The following JPH3 variants were observed in gnomAD, a reference collection of about 807,000 sequenced individuals.
JPH3 encodes junctophilin-3.
A neutral mutation model predicts 59.6 loss-of-function variants in JPH3; 11 were observed. The observed-to-expected ratio is 0.18, with a 90% CI of 0.12 to 0.31. JPH3 has a LOEUF of 0.31. Ranked by LOEUF, JPH3 falls within the 10% of genes least tolerant of loss-of-function variation. The pLI is 1.00. For synonymous variants in JPH3, 673 were observed against 483.6 expected (o/e 1.39, Z -5.14); for missense variants, 1,202 against 1,105.7 (o/e 1.09, Z -1.24).
At chr16:87,623,256 A>T (rs903712346) in intron 1 of JPH3, among the ~76,000 whole-genome samples, 1 of 152,122 alleles carries the variant, frequency 6.6e-6, no homozygotes, top group Admixed American at 6.5e-5. Context: ...CCTGGCTGAC[A>T]CTCGGAGCCA....
intron 3 of JPH3, among the ~76,000 whole-genome samples, chr16:87,688,649 G>A (rs948700566): frequency 1.3e-5 from 2 of 152,108 alleles, no homozygotes. Flanking sequence ...TCAGAGGGAA[G>A]ACTCCCCAAA....
In JPH3 at chr16:87,690,262, C is replaced by T. The variant is rs765983495; in HGVS notation, c.1902C>T (p.Gly634=). The T allele has an allele frequency of 2.7e-5, 44 of 1,602,702 alleles. No homozygotes were observed. The highest frequency in any genetic ancestry group is 2.6e-4 in the South Asian group (23 of 89,416). The part of the protein sequence containing the change: ...HPQKRRYSKG[G]ACRGLGDDHR... ...AGAAAAGACGCTACAGCAAGGGCGG[C>T]GCCTGCCGGGGCTTGGGGGACGACC... Residue 634 remains glycine (G), a synonymous_variant, in exon 4 of 5, where the codon GGC becomes GGT. Transcript: ENST00000284262.
At chr16:87,617,083 G>T (rs2030999584) in intron 1 of JPH3, among the ~76,000 whole-genome samples, 1 of 151,160 alleles carries the variant, frequency 6.6e-6, no homozygotes, top group African/African-American at 2.5e-5. Context: ...AATTAGCCGG[G>T]TGCGGTGGTG....
intron 2 of JPH3, among the ~76,000 whole-genome samples, chr16:87,647,026 AG>A (rs1039625932): frequency 6.6e-6 from 1 of 152,216 alleles, no homozygotes; most frequent in African/African-American, 2.4e-5. Flanking sequence ...GCTCCAAGGC[AG>A]GTTGTCAGCC....
chr16:87,620,477 A>AG (rs879339714), intron 1 of JPH3, among the ~76,000 whole-genome samples: 10,763 of 110,562 alleles, frequency 0.097, 683 homozygotes, highest in East Asian at 0.21. Flanking sequence ...AGAGAAGGAG[A>AG]GAAGAGAGGG....
At chr16:87,623,912 A>G (rs1173419948) in intron 1 of JPH3, among the ~76,000 whole-genome samples, 1 of 152,220 alleles carries the variant, frequency 6.6e-6, no homozygotes, top group Non-Finnish European at 1.5e-5. Flanking sequence ...GAGAGCCACC[A>G]TGGAGCCCCC....
chr16:87,693,576 G>C (rs1337353237), intron 4 of JPH3: 1 of 152,292 alleles, frequency 6.6e-6, no homozygotes, highest in Non-Finnish European at 1.5e-5. Context: ...TCAGGAGGCT[G>C]AGGCACAAGA....
chr16:87,643,126 A>G (rs950592721), intron 1 of JPH3, among the ~76,000 whole-genome samples: 4 of 152,168 alleles, frequency 2.6e-5, no homozygotes, highest in Non-Finnish European at 5.9e-5. Context: ...CCCCGTGTAC[A>G]TGGAATCATC....
chr16:87,686,753 G>A (rs2033428587), intron 3 of JPH3, among the ~76,000 whole-genome samples: 1 of 152,210 alleles, frequency 6.6e-6, no homozygotes, highest in Admixed American at 6.5e-5. Context: ...GGTCCCTGCA[G>A]GAGGGGCCTT....
intron 1 of JPH3, chr16:87,604,267 G>C (rs1469405245): frequency 6.9e-7 from 1 of 1,457,346 alleles, no homozygotes; most frequent in South Asian, 1.2e-5. Context: ...GCAGAGCCGG[G>C]GCCGGAAGCC....
At chr16:87,641,444 C>T (rs2031948132) in intron 1 of JPH3, among the ~76,000 whole-genome samples, 1 of 152,140 alleles carries the variant, frequency 6.6e-6, no homozygotes, top group Non-Finnish European at 1.5e-5. Context: ...ACAGAATGAC[C>T]GACCAGTGTG....
chr16:87,691,033 C>T (rs1005455421), intron 4 of JPH3, among the ~76,000 whole-genome samples: 6 of 152,130 alleles, frequency 3.9e-5, no homozygotes, highest in Admixed American at 6.5e-5. Flanking sequence ...GGGGTTGGAG[C>T]CGGCTCCCAC....
intron 1 of JPH3, among the ~76,000 whole-genome samples, chr16:87,636,515 C>G (rs1004282470): frequency 6.6e-6 from 1 of 152,174 alleles, no homozygotes; most frequent in Non-Finnish European, 1.5e-5. Flanking sequence ...AGGCCCAGCC[C>G]GCAGAGCTCC....
At chr16:87,662,043 A>G (rs1166900353) in intron 2 of JPH3, among the ~76,000 whole-genome samples, 1 of 152,190 alleles carries the variant, frequency 6.6e-6, no homozygotes, top group African/African-American at 2.4e-5. Flanking sequence ...ATTTTTAAGG[A>G]ATTTAACATT....
At chr16:87,634,968 C>T (rs767252639) in intron 1 of JPH3, among the ~76,000 whole-genome samples, 23 of 152,320 alleles carry the variant, frequency 1.5e-4, no homozygotes, top group African/African-American at 2.6e-4. Flanking sequence ...GCTGAGCTCC[C>T]GGGGTAGTGT....
At position 87,690,369 on chromosome 16, in the gene JPH3, C is replaced by G; in HGVS notation, c.2009C>G (p.Ser670Cys). Residue 670 changes from serine to cysteine, a missense_variant, in exon 4 of 5, where the codon TCC (serine) becomes TGC (cysteine). Physicochemically the swap from Ser to Cys is moderately radical, Grantham distance 112. Coordinates refer to ENST00000284262, the MANE Select transcript of JPH3 (RefSeq NM_020655.4). ...QNKENFRPAS[S>C]AEPAVQKLAS... ...AAGGAGAACTTCAGGCCGGCCTCCT[C>G]CGCGGAGCCCGCCGTGCAGAAACTG... The G allele has an allele frequency of 6.5e-7, 1 of 1,537,880 alleles. No individual in the cohort carries two copies. Among genetic ancestry groups the G allele is most frequent in the Non-Finnish European group, 8.7e-7 (1 of 1,145,066 alleles).
chr16:87,643,828 A>G (rs2032038113), intron 1 of JPH3, among the ~76,000 whole-genome samples: 1 of 150,754 alleles, frequency 6.6e-6, no homozygotes. Context: ...CCTCCACGCA[A>G]ACCTCACCAG....
intron 3 of JPH3, among the ~76,000 whole-genome samples, chr16:87,688,060 C>T (rs1454635968): frequency 2.6e-5 from 4 of 152,172 alleles, no homozygotes; most frequent in South Asian, 2.1e-4. Flanking sequence ...CAGGTGGGTA[C>T]GTGGATGTCA....
At chr16:87,636,921 G>A (rs1179286697) in intron 1 of JPH3, among the ~76,000 whole-genome samples, 5 of 152,086 alleles carry the variant, frequency 3.3e-5, no homozygotes, top group African/African-American at 4.8e-5. Flanking sequence ...TACGCGCAGC[G>A]CAGTGGGGCC....
Sources: gnomAD v4.1 joint callset for allele counts (sites outside exome capture counted in the v4.1 genomes callset) on GRCh38, gnomAD v4.1.1 for gene constraint, MANE v1.5 for transcripts, NCBI Gene and HGNC (gene_info 2026-07-23, HGNC 2026-07-21) for gene names.